The following EYS variants were observed in gnomAD, a reference collection of about 807,000 sequenced individuals.
The protein encoded by EYS is protein eyes shut homolog.
Under a neutral mutation model 282.1 loss-of-function variants are expected in EYS, and 250 were observed. The observed-to-expected ratio is 0.89, with a 90% CI of 0.80 to 0.98. The LOEUF (loss-of-function observed/expected upper bound fraction) is 0.98. Among genes scored for constraint, EYS ranks in the 50% least tolerant of loss-of-function variants. The probability of loss-of-function intolerance (pLI) is 0.00; values close to 1 mark genes in which losing one functional copy is unlikely to be tolerated. For synonymous variants in EYS, 1,355 were observed against 1,282.9 expected (o/e 1.06, Z -1.20); for missense variants, 4,016 against 3,709.0 (o/e 1.08, Z -2.15).
chr6:64,659,707 G>C (rs904991762), intron 22 of EYS, among the ~76,000 whole-genome samples: 1 of 151,960 alleles, frequency 6.6e-6, no homozygotes, highest in African/African-American at 2.4e-5. Context: ...ATCTCTGAAT[G>C]GACCAATAAC....
chr6:64,729,381 A>G lies in EYS; in HGVS notation c.3443+83997T>C, dbSNP rs78506228. Among the ~76,000 whole-genome samples, 229 of 152,272 alleles carry G rather than the reference A, an allele frequency of 1.5e-3. 2 individuals carry two copies. In the East Asian group the frequency reaches 0.029, roughly 19 times the overall value. ...AATTGATGTTGAACGTGGCTATGTG[A>G]CTTGCTTTTTCTAATGGGATGATAG... is the stretch of plus-strand genomic sequence containing the variant. On this transcript the variant is annotated intron_variant, in intron 22 of 42. Coordinates refer to ENST00000503581, the MANE Select transcript of EYS (RefSeq NM_001142800.2).
chr6:64,659,159 A>C (rs9360016), intron 22 of EYS, among the ~76,000 whole-genome samples: 96,143 of 150,612 alleles, frequency 0.64, 30,947 homozygotes, highest in African/African-American at 0.71. Context: ...AAAATGAAGG[A>C]AGAAATAAAG....
chr6:65,576,209 C>T (rs1312697356), intron 2 of EYS, among the ~76,000 whole-genome samples: 1 of 151,932 alleles, frequency 6.6e-6, no homozygotes, highest in African/African-American at 2.4e-5. Flanking sequence ...TTCAACAGCA[C>T]ACTAAAAGGA....
intron 19 of EYS, among the ~76,000 whole-genome samples, chr6:64,880,869 C>G (rs1011574375): frequency 6.6e-5 from 10 of 150,396 alleles, no homozygotes; most frequent in Non-Finnish European, 1.5e-4. Context: ...TACACACGCT[C>G]TAGTATGTAT....
At chr6:65,273,744 G>A (rs755618589) in intron 12 of EYS, among the ~76,000 whole-genome samples, 40 of 152,148 alleles carry the variant, frequency 2.6e-4, no homozygotes, top group Non-Finnish European at 5.3e-4. Flanking sequence ...ACATATCACC[G>A]TATGATTAAC....
intron 32 of EYS, among the ~76,000 whole-genome samples, chr6:64,079,303 T>C (rs1771879504): frequency 6.6e-6 from 1 of 152,116 alleles, no homozygotes; most frequent in South Asian, 2.1e-4. Context: ...TAAATGATAC[T>C]GGCCTAGCCT....
intron 2 of EYS, among the ~76,000 whole-genome samples, chr6:65,637,733 C>T (rs1406559682): frequency 3.3e-5 from 5 of 152,318 alleles, no homozygotes; most frequent in East Asian, 1.9e-4. Context: ...TGCGGGCACT[C>T]GGGACAGGGC....
intron 12 of EYS, among the ~76,000 whole-genome samples, chr6:65,144,916 T>C (rs1764439687): frequency 6.6e-6 from 1 of 151,772 alleles, no homozygotes; most frequent in African/African-American, 2.4e-5. Flanking sequence ...ATTATAGGCA[T>C]GCCCCATCTC....
At chr6:64,644,320 A>ATT (rs5876911) in intron 22 of EYS, among the ~76,000 whole-genome samples, 5 of 151,960 alleles carry the variant, frequency 3.3e-5, no homozygotes, top group African/African-American at 9.7e-5. Flanking sequence ...GGCAGAGTTA[A>ATT]TTTTTTTACT....
Position 64,400,147 on chromosome 6 carries a change from G to A in EYS, c.5928-11307C>T, listed in dbSNP as rs777752770. Among the ~76,000 whole-genome samples, 7 of 151,930 alleles carry A rather than the reference G, an allele frequency of 4.6e-5. 1 individual carries two copies. The highest frequency in any genetic ancestry group is 1.0e-4 in the Non-Finnish European group (7 of 67,872). On this transcript the variant is annotated intron_variant, in intron 28 of 42. Transcript: ENST00000503581. ...TTTGAGGTTTTTCCTTGAAAGTTAG[G>A]ATTTTTGTTATTTTAGAGAATTTCT...
chr6:65,632,159 A>T (rs2149808678), intron 2 of EYS, among the ~76,000 whole-genome samples: 1 of 152,282 alleles, frequency 6.6e-6, no homozygotes, highest in Middle Eastern at 3.4e-3. Context: ...AAAAGTAGGC[A>T]AAATGAGCTC....
At chr6:64,805,311 G>A (rs935761436) in intron 22 of EYS, among the ~76,000 whole-genome samples, 1 of 151,902 alleles carries the variant, frequency 6.6e-6, no homozygotes, top group African/African-American at 2.4e-5. Context: ...CACTATTTGT[G>A]TTTGATAGAA....
At chr6:64,937,006 C>T (rs546288371) in intron 15 of EYS, among the ~76,000 whole-genome samples, 1 of 151,346 alleles carries the variant, frequency 6.6e-6, no homozygotes, top group Non-Finnish European at 1.5e-5. Flanking sequence ...ACAAGTTTGT[C>T]TAATTCATGT....
At position 64,591,094 on chromosome 6, in the gene EYS, C is replaced by A; in HGVS notation, c.4773G>T (p.Ala1591=). 1 of 1,551,264 alleles carries A rather than the reference C, an allele frequency of 6.4e-7. No individual in the cohort carries two copies. Among genetic ancestry groups the A allele is most frequent in the South Asian group, 1.2e-5 (1 of 84,052 alleles). Residue 1591 remains alanine, a synonymous_variant, in exon 26 of 43, where the codon GCG becomes GCT. Transcript: ENST00000503581. ...HFYETFWMNS[A]ILASWYALMG... ...TTAGTGCATACCAGCTGGCTAATAT[C>A]GCTGAGTTCATCCAGAATGTCTCAT...
intron 29 of EYS, 75 bp from the exon 30 acceptor site, chr6:64,307,157 C>T (rs1030911937): frequency 3.8e-6 from 3 of 792,034 alleles, no homozygotes; most frequent in African/African-American, 3.5e-5. Flanking sequence ...TTGCTTCAAA[C>T]TGGTCAGGGT....
At chr6:65,289,290 T>C (rs1768455713) in intron 12 of EYS, among the ~76,000 whole-genome samples, 1 of 151,058 alleles carries the variant, frequency 6.6e-6, no homozygotes, top group Admixed American at 6.6e-5. Flanking sequence ...CCAACTGGCA[T>C]GAGGACCTCT....
At chr6:63,831,096 C>T (rs1771623515) in intron 36 of EYS, among the ~76,000 whole-genome samples, 1 of 152,192 alleles carries the variant, frequency 6.6e-6, no homozygotes, top group Non-Finnish European at 1.5e-5. Context: ...AAACCAGTAC[C>T]AGCCATTGCA....
At chr6:63,842,729 T>C (rs1162240208) in intron 36 of EYS, among the ~76,000 whole-genome samples, 1 of 152,224 alleles carries the variant, frequency 6.6e-6, no homozygotes, top group Non-Finnish European at 1.5e-5. Context: ...CTAGAGTTTT[T>C]ATGGTTTTAG....
At chr6:65,329,094 A>G in intron 11 of EYS, among the ~76,000 whole-genome samples, 2 of 151,506 alleles carry the variant, frequency 1.3e-5, no homozygotes, top group East Asian at 3.9e-4. Flanking sequence ...ACTATATAAC[A>G]TGCACAAGTC....
Sources: allele counts gnomAD v4.1 joint callset (sites outside exome capture counted in the v4.1 genomes callset), GRCh38; gene constraint gnomAD v4.1.1; transcripts MANE v1.5; gene names NCBI Gene and HGNC (gene_info 2026-07-23, HGNC 2026-07-21).